ITPRID2: variants seen among roughly 807,000 people sequenced by gnomAD.
The protein encoded by ITPRID2 is protein ITPRID2.
A neutral mutation model predicts 124.3 loss-of-function variants in ITPRID2; 60 were observed. That is an observed-to-expected ratio of 0.48 (90% CI 0.39 to 0.60). The LOEUF is 0.60. Ranked by LOEUF, ITPRID2 falls within the 20% of genes least tolerant of loss-of-function variation. The pLI is 0.00. For synonymous variants in ITPRID2, 521 were observed against 542.9 expected (o/e 0.96, Z 0.56); for missense variants, 1,553 against 1,512.2 (o/e 1.03, Z -0.45).
At position 181,922,187 on chromosome 2, in the gene ITPRID2, A is replaced by T. The variant is rs935429361; in HGVS notation, c.3450A>T (p.Arg1150=). The T allele has an allele frequency of 2.8e-5, 45 of 1,614,134 alleles. No homozygotes were observed. The highest frequency in any genetic ancestry group is 3.8e-5 in the Non-Finnish European group (45 of 1,180,060). ...TAGTGGCAAGGAAGAAAGTGTTCCG[A>T]GCATCGGTGGCTCTAACGCCAACAG... ...TPLVARKKVF[R]ASVALTPTAP... Residue 1150 remains arginine (R), a synonymous_variant, in exon 16 of 18, where the codon CGA becomes CGT. Coordinates refer to ENST00000431877, the MANE Select transcript of ITPRID2 (RefSeq NM_001130445.3).
intron 11 of ITPRID2, chr2:181,918,293 T>G: frequency 9.0e-7 from 1 of 1,117,254 alleles, no homozygotes; most frequent in Non-Finnish European, 1.1e-6. Flanking sequence ...GGCTTCTACA[T>G]TTTTGCGTTT....
At chr2:181,918,418 A>G in intron 11 of ITPRID2, 180 bp from the exon 12 acceptor site, 1 of 1,383,212 alleles carries the variant, frequency 7.2e-7, no homozygotes, top group Admixed American at 3.3e-5. Flanking sequence ...AACAGCTAGC[A>G]GTACTAGGTG....
At position 181,922,186 on chromosome 2, in the gene ITPRID2, G is replaced by T; in HGVS notation, c.3449G>T (p.Arg1150Leu). The change falls in exon 16 of 18, where the codon CGA becomes CTA. Residue 1150 changes from arginine (R) to leucine (L), a missense_variant. Arg to Leu is a moderately radical substitution (Grantham distance 102). Coordinates refer to ENST00000431877, the MANE Select transcript of ITPRID2 (RefSeq NM_001130445.3). ...TPLVARKKVF[R>L]ASVALTPTAP... is the part of the protein sequence containing the mutation. ...TTAGTGGCAAGGAAGAAAGTGTTCC[G>T]AGCATCGGTGGCTCTAACGCCAACA... 1 of 1,614,214 alleles carries T rather than the reference G, an allele frequency of 6.2e-7. No homozygotes were observed. The highest frequency in any genetic ancestry group is 8.5e-7 in the Non-Finnish European group (1 of 1,180,038).
Position 181,901,946 on chromosome 2 carries a change from C to T in ITPRID2, c.893C>T (p.Thr298Ile). 3 of 1,613,856 alleles carry T rather than the reference C, an allele frequency of 1.9e-6. No individual in the cohort carries two copies. Among genetic ancestry groups the T allele is most frequent in the Non-Finnish European group, 2.5e-6 (3 of 1,179,896 alleles). Residue 298 changes from threonine to isoleucine, a missense_variant, in exon 8 of 18, where the codon ACA becomes ATA. By Grantham distance (89) the Thr-to-Ile change is moderately conservative. Transcript: ENST00000431877. ...RSNTANRLMK[T>I]LSKLNLCVDK... Reference sequence around the variant, plus strand: ...AACACTGCAAATCGTTTAATGAAAACACTCTCAAAACTGAATTTATGTGTT... The same window carrying T: ...AACACTGCAAATCGTTTAATGAAAATACTCTCAAAACTGAATTTATGTGTT...
At position 181,915,531 on chromosome 2, in the gene ITPRID2, G is replaced by T; in HGVS notation, c.1891G>T (p.Ala631Ser). ...ITEVEEDLFP[A>S]ETVELLREAS... ...TGAAGTGGAAGAGGATTTGTTTCCA[G>T]CAGAGACAGTAGAGCTACTGAGGGA... Residue 631 changes from alanine (A) to serine (S), a missense_variant, in exon 11 of 18, where the codon GCA becomes TCA. Coordinates refer to ENST00000431877, the MANE Select transcript of ITPRID2 (RefSeq NM_001130445.3). 1 of 1,614,220 alleles carries T rather than the reference G, an allele frequency of 6.2e-7. No individual in the cohort carries two copies. Among genetic ancestry groups the T allele is most frequent in the Non-Finnish European group, 8.5e-7 (1 of 1,180,036 alleles).
At chr2:181,921,240 G>T (rs1270810015) in intron 15 of ITPRID2, among the ~76,000 whole-genome samples, 2 of 152,024 alleles carry the variant, frequency 1.3e-5, no homozygotes, top group Non-Finnish European at 2.9e-5. Flanking sequence ...CATTTTGGGA[G>T]GCTGAGGCAA....
At chr2:181,927,404 A>T (rs946867965) in intron 16 of ITPRID2, among the ~76,000 whole-genome samples, 2 of 152,248 alleles carry the variant, frequency 1.3e-5, no homozygotes, top group South Asian at 2.1e-4. Flanking sequence ...GGAGATAGGC[A>T]TATGTAAGTG....
chr2:181,904,954 A>G (rs1692979849), intron 8 of ITPRID2, among the ~76,000 whole-genome samples: 1 of 152,202 alleles, frequency 6.6e-6, no homozygotes, highest in Non-Finnish European at 1.5e-5. Context: ...TTATGTTAGA[A>G]AAGGAAAAGG....
At chr2:181,900,635 G>C in intron 6 of ITPRID2, 61 bp from the exon 7 acceptor site, 5 of 1,147,708 alleles carry the variant, frequency 4.4e-6, no homozygotes, top group Non-Finnish European at 6.3e-6. Flanking sequence ...TTATAATGTG[G>C]TGTGGACTAT....
chr2:181,908,679 A>G (rs1693351544), intron 8 of ITPRID2, among the ~76,000 whole-genome samples: 1 of 152,236 alleles, frequency 6.6e-6, no homozygotes, highest in African/African-American at 2.4e-5. Flanking sequence ...TATGTAGAGC[A>G]AAGAAATCAC....
At position 181,905,249 on chromosome 2, in the gene ITPRID2, C is replaced by A. The variant is rs1366923047; in HGVS notation, c.1413+2783C>A. On this transcript the variant is annotated intron_variant, in intron 8 of 17. Transcript: ENST00000431877. This position sits in a 1 kb window ranked among gnomAD's most constrained non-coding sequence, Gnocchi z 4.1. ...TATTTTTAGTAGAGATGGGGTTTCA[C>A]TACGTTGGCCAGGCTGGTCTCAAAC... 6.6e-6 allele frequency among the ~76,000 whole-genome samples: 1 copy of A among 152,018 alleles called. No individual in the cohort carries two copies. Among genetic ancestry groups the A allele is most frequent in the Admixed American group, 6.6e-5 (1 of 15,248 alleles).
chr2:181,915,776 T>G lies in ITPRID2; in HGVS notation c.2136T>G (p.Arg712=). 6.2e-7 allele frequency: 1 copy of G among 1,614,152 alleles called. No homozygotes were observed. Among genetic ancestry groups the G allele is most frequent in the Non-Finnish European group, 8.5e-7 (1 of 1,180,024 alleles). ...VCSLSNQRMG[R]SLLKSKDLLK... ...GTCTGTCTAATCAAAGGATGGGGCG[T>G]AGCCTGCTAAAATCAAAAGATTTGT... The change falls in exon 11 of 18, where the codon CGT becomes CGG. Residue 712 remains arginine (R), a synonymous_variant. Transcript: ENST00000431877.
In ITPRID2 at chr2:181,915,559, C is replaced by G; in HGVS notation, c.1919C>G (p.Ala640Gly). 5 of 1,614,156 alleles carry G rather than the reference C, an allele frequency of 3.1e-6. No individual in the cohort carries two copies. Among genetic ancestry groups the G allele is most frequent in the Non-Finnish European group, 4.2e-6 (5 of 1,180,030 alleles). Residue 640 changes from alanine to glycine, a missense_variant, in exon 11 of 18, where the codon GCA becomes GGA. By Grantham distance (60) the Ala-to-Gly change is moderately conservative (BLOSUM62 0). Coordinates refer to ENST00000431877, the MANE Select transcript of ITPRID2 (RefSeq NM_001130445.3). ...GAGACAGTAGAGCTACTGAGGGAAG[C>G]AAGTGCTGAAAGTGATGTGGGTAAA... is the stretch of plus-strand genomic sequence containing the variant. ...PAETVELLRE[A>G]SAESDVGKSS...
Position 181,919,514 on chromosome 2 carries a change from A to G in ITPRID2, c.3144+68A>G, listed in dbSNP as rs543633915. 3.3e-4 allele frequency: 479 copies of G among 1,446,514 alleles called. 1 individual carries two copies. Among genetic ancestry groups the G allele is most frequent in the Non-Finnish European group, 4.2e-4 (460 of 1,097,206 alleles). 89.6% of individuals were successfully genotyped at this position (1,446,514 alleles called of 1,614,324 possible). The stretch of plus-strand genomic sequence containing the variant: ...ATTTATAATGTTCCAATAATTTAGG[A>G]CGTGTGCCTTCATTTCAAGTCATTT... On this transcript the variant is annotated intron_variant, in intron 14 of 17. Transcript: ENST00000431877. This position sits in a 1 kb window ranked among gnomAD's most constrained non-coding sequence, Gnocchi z 4.2.
At chr2:181,899,447 T>G (rs1347842891) in intron 6 of ITPRID2, among the ~76,000 whole-genome samples, 4 of 152,188 alleles carry the variant, frequency 2.6e-5, no homozygotes, top group African/African-American at 9.7e-5. Flanking sequence ...AGGACTTGAG[T>G]TAACTCTGAC....
chr2:181,911,293 C>T (rs1299835135), intron 9 of ITPRID2, among the ~76,000 whole-genome samples: 1 of 152,038 alleles, frequency 6.6e-6, no homozygotes, highest in Non-Finnish European at 1.5e-5. Context: ...ATATTTACTT[C>T]AAAAGTTTAG....
Position 181,892,293 on chromosome 2 carries a change from C to T in ITPRID2, c.211+16C>T. The T allele has an allele frequency of 1.3e-6, 2 of 1,537,650 alleles. No individual in the cohort carries two copies. Among genetic ancestry groups the T allele is most frequent in the Non-Finnish European group, 1.8e-6 (2 of 1,141,326 alleles). ...GGGGGAAGAGGTCGGTGCTCCCGGC[C>T]GGGCTCCGGGGGGAGGCTGGTGGGC... On this transcript the variant is annotated intron_variant, in intron 1 of 17. Transcript: ENST00000431877. This position sits in a 1 kb window ranked among gnomAD's most constrained non-coding sequence, Gnocchi z 5.2.
rs566383924 is a variant in ITPRID2 at position 181,910,940 on chromosome 2, G to A, written c.1486+969G>A. Among the ~76,000 whole-genome samples the A allele has an allele frequency of 5.7e-4, 87 of 152,220 alleles. 1 individual carries two copies. The highest frequency in any genetic ancestry group is 2.5e-3 in the Admixed American group (39 of 15,302). The stretch of plus-strand genomic sequence containing the variant: ...TATGTGTTTCTGAGCTGAGTTCATG[G>A]TCATCAAGAAGTGTTTGCTTTAGAT... On this transcript the variant is annotated intron_variant, in intron 9 of 17. Transcript: ENST00000431877. This position sits in a 1 kb window ranked among gnomAD's most constrained non-coding sequence, Gnocchi z 4.1.
chr2:181,892,057 C>G lies in ITPRID2; in HGVS notation c.-10C>G. 1 of 1,548,558 alleles carries G rather than the reference C, an allele frequency of 6.5e-7. No homozygotes were observed. The highest frequency in any genetic ancestry group is 8.7e-7 in the Non-Finnish European group (1 of 1,146,952). On this transcript the variant is annotated 5_prime_UTR_variant, in exon 1 of 18. Transcript: ENST00000431877. The surrounding 1 kb of genome is among the most constrained non-coding windows in gnomAD (Gnocchi z 5.2). Reference sequence around the variant, plus strand: ...GGTCCGGCTGGGGTAGCGGAGCCCCCAGTGCGGCCATGGACCGGCCCCTGT... The same window carrying G: ...GGTCCGGCTGGGGTAGCGGAGCCCCGAGTGCGGCCATGGACCGGCCCCTGT...
Sources: allele counts gnomAD v4.1 joint callset (sites outside exome capture counted in the v4.1 genomes callset), GRCh38; gene constraint gnomAD v4.1.1; non-coding constraint Gnocchi (gnomAD v3.1); transcripts MANE v1.5; gene names NCBI Gene and HGNC (gene_info 2026-07-23, HGNC 2026-07-21).